The following ZGRF1 variants were observed in gnomAD, a reference collection of about 807,000 sequenced individuals.
ZGRF1 encodes the protein zinc finger GRF-type containing 1, also known as 5'-3' DNA helicase ZGRF1.
A neutral mutation model predicts 203.5 loss-of-function variants in ZGRF1; 196 were observed. That is an observed-to-expected ratio of 0.96 (90% CI 0.86 to 1.08). The LOEUF is 1.08. Ranked by LOEUF, ZGRF1 falls within the 50% of genes least tolerant of loss-of-function variation. ZGRF1 has a pLI of 0.00. For synonymous variants in ZGRF1, 809 were observed against 841.3 expected (o/e 0.96, Z 0.66); for missense variants, 2,326 against 2,416.3 (o/e 0.96, Z 0.78).
intron 10 of ZGRF1, among the ~76,000 whole-genome samples, chr4:112,598,454 A>T (rs1385992930): frequency 6.7e-6 from 1 of 149,844 alleles, no homozygotes; most frequent in East Asian, 2.0e-4. Context: ...TAATAACGAA[A>T]ACATTGAATA....
intron 20 of ZGRF1, among the ~76,000 whole-genome samples, chr4:112,557,178 T>C (rs1318111276): frequency 2.0e-5 from 3 of 151,164 alleles, no homozygotes; most frequent in Admixed American, 6.6e-5. Flanking sequence ...TCTTCTTCTT[T>C]TTTTTTTTTT....
At chr4:112,585,791 T>C in intron 13 of ZGRF1, 66 bp from the exon 14 acceptor site, 1 of 1,202,544 alleles carries the variant, frequency 8.3e-7, no homozygotes. Context: ...ATCACATATG[T>C]GCTGTTTGTA....
chr4:112,562,446 T>A lies in ZGRF1; in HGVS notation c.4622A>T (p.Glu1541Val). The stretch of plus-strand genomic sequence containing the variant: ...CTGAATGTTTTTCAAAGTAGTCAGT[T>A]CTGTGCTAGCATTACAAACCAATAA... ...HALLVCNAST[E>V]LTTLKNIQDY... The change falls in exon 18 of 28, where the codon GAA becomes GTA. Residue 1541 changes from glutamate (E) to valine (V), a missense_variant. Physicochemically the swap from Glu to Val is moderately radical, Grantham distance 121. Transcript: ENST00000505019. 6.2e-7 allele frequency: 1 copy of A among 1,609,740 alleles called. No individual in the cohort carries two copies.
chr4:112,607,619 T>C (rs1750968269), intron 8 of ZGRF1, among the ~76,000 whole-genome samples: 2 of 151,898 alleles, frequency 1.3e-5, no homozygotes, highest in African/African-American at 4.8e-5. Flanking sequence ...CATAAAGAGG[T>C]TGTTTCAGAG....
intron 15 of ZGRF1, among the ~76,000 whole-genome samples, chr4:112,583,544 A>C (rs1354777260): frequency 6.6e-6 from 1 of 152,184 alleles, no homozygotes; most frequent in Non-Finnish European, 1.5e-5. Context: ...GATAGCTCAC[A>C]CCTCTAATTC....
chr4:112,575,428 T>C (rs1578327896), intron 16 of ZGRF1, among the ~76,000 whole-genome samples: 1 of 151,968 alleles, frequency 6.6e-6, no homozygotes, highest in African/African-American at 2.4e-5. Flanking sequence ...GGACAGTGGG[T>C]GCAGGACAGT....
At chr4:112,560,043 CG>C (rs1183402125) in intron 19 of ZGRF1, among the ~76,000 whole-genome samples, 1 of 152,106 alleles carries the variant, frequency 6.6e-6, no homozygotes, top group Non-Finnish European at 1.5e-5. Flanking sequence ...GAAAAATCTA[CG>C]ATCACTCTCA....
chr4:112,615,331 T>A (rs192825574), intron 6 of ZGRF1, among the ~76,000 whole-genome samples: 1 of 151,988 alleles, frequency 6.6e-6, no homozygotes, highest in Non-Finnish European at 1.5e-5. Context: ...GGGTTCAAGC[T>A]ATTTTCCTGC....
intron 8 of ZGRF1, among the ~76,000 whole-genome samples, chr4:112,608,686 T>C (rs1247721486): frequency 6.6e-6 from 1 of 152,186 alleles, no homozygotes; most frequent in Non-Finnish European, 1.5e-5. Flanking sequence ...AACGTGATCA[T>C]TTGTAAGCTA....
rs536014007 is a variant in ZGRF1, at chr4:112,618,637, C to A, written c.1405G>T (p.Glu469Ter). Residue 469 changes from glutamate (E) to a stop codon, truncating the protein, a stop_gained, in exon 6 of 28, where the codon GAA (glutamate) becomes TAA (stop). Transcript: ENST00000505019. LOFTEE classifies it high-confidence loss of function. Reference sequence around the variant, plus strand: ...GACTCTGATTGTTCATACTCCTTTTCCAGTGTTCCACATGTATTTACCTCC... The same window carrying A: ...GACTCTGATTGTTCATACTCCTTTTACAGTGTTCCACATGTATTTACCTCC... Reference protein sequence around the residue: ...AQEVNTCGTLEKEYEQSESSL... With the variant: ...AQEVNTCGTL 2 of 1,613,200 alleles carry A rather than the reference C, an allele frequency of 1.2e-6. No individual in the cohort carries two copies. The highest frequency in any genetic ancestry group is 4.5e-5 in the East Asian group (2 of 44,846).
chr4:112,571,102 CA>C (rs11423362), intron 16 of ZGRF1, among the ~76,000 whole-genome samples: 4,892 of 121,618 alleles, frequency 0.04, 235 homozygotes, highest in African/African-American at 0.13. Context: ...GACTGCATTT[CA>C]AAAAAAAAAA....
At chr4:112,606,112 G>A in intron 8 of ZGRF1, 21 bp from the exon 9 acceptor site, 1 of 1,356,508 alleles carries the variant, frequency 7.4e-7, no homozygotes, top group South Asian at 1.2e-5. Flanking sequence ...ATATGAATAA[G>A]TTATCTAGTT....
chr4:112,611,842 A>C (rs1189105555), intron 7 of ZGRF1, among the ~76,000 whole-genome samples: 2 of 152,228 alleles, frequency 1.3e-5, no homozygotes, highest in African/African-American at 2.4e-5. Context: ...CTGTGATAAA[A>C]AGCAATTATC....
intron 8 of ZGRF1, among the ~76,000 whole-genome samples, chr4:112,608,838 A>G (rs1441622286): frequency 6.6e-6 from 1 of 152,120 alleles, no homozygotes; most frequent in Non-Finnish European, 1.5e-5. Context: ...GATAATTGTC[A>G]ATGACCCATG....
chr4:112,627,650 G>T (rs2047281726), intron 3 of ZGRF1, among the ~76,000 whole-genome samples: 1 of 152,206 alleles, frequency 6.6e-6, no homozygotes, highest in South Asian at 2.1e-4. Flanking sequence ...TGAGGCCCAA[G>T]AATCACTTGT....
rs1372728737 is a variant in ZGRF1, at chr4:112,578,601, T to G, written c.4438+3062A>C. Among the ~76,000 whole-genome samples the G allele has an allele frequency of 2.5e-5, 3 of 122,208 alleles. 1 individual carries two copies. The highest frequency in any genetic ancestry group is 5.7e-5 in the African/African-American group (2 of 35,224). 80.2% of individuals were successfully genotyped at this position (122,208 alleles called of 152,430 possible). On this transcript the variant is annotated intron_variant, in intron 16 of 27. Transcript: ENST00000505019. ...ATGATAAAGGGGATATCACCACCGATCCACAGAAATACAAACTACCATCAA... is the reference window on the plus strand; with the variant it reads ...ATGATAAAGGGGATATCACCACCGAGCCACAGAAATACAAACTACCATCAA...
At chr4:112,609,344 T>C (rs150845213) in intron 8 of ZGRF1, 35 bp downstream of exon 8, 3 of 1,246,510 alleles carry the variant, frequency 2.4e-6, no homozygotes, top group Middle Eastern at 2.2e-4. Context: ...TGAGCCACCA[T>C]GCCCAGGGGC....
chr4:112,631,978 T>G lies in ZGRF1; in HGVS notation c.54A>C (p.Ser18=). 1 of 1,595,132 alleles carries G rather than the reference T, an allele frequency of 6.3e-7. No individual in the cohort carries two copies. The highest frequency in any genetic ancestry group is 8.5e-7 in the Non-Finnish European group (1 of 1,170,588). The part of the protein sequence containing the change: ...VLYTHQKMKK[S]KVWQDGILKI... ...TCAGAATTCCATCTTGCCACACTTTTGACTTCTTCATCTTTTGATGAGTAT... is the reference window on the plus strand; with the variant it reads ...TCAGAATTCCATCTTGCCACACTTTGGACTTCTTCATCTTTTGATGAGTAT... Residue 18 remains serine (S), a synonymous_variant, in exon 3 of 28, where the codon TCA becomes TCC. Coordinates refer to ENST00000505019, the MANE Select transcript of ZGRF1 (RefSeq NM_018392.5).
chr4:112,599,317 AT>A (rs1749552212), intron 10 of ZGRF1, among the ~76,000 whole-genome samples: 1 of 152,178 alleles, frequency 6.6e-6, no homozygotes, highest in African/African-American at 2.4e-5. Flanking sequence ...GCACAATGGA[AT>A]TTCATCCAAA....
Sources: allele counts gnomAD v4.1 joint callset (sites outside exome capture counted in the v4.1 genomes callset), GRCh38; gene constraint gnomAD v4.1.1; transcripts MANE v1.5; gene names NCBI Gene and HGNC (gene_info 2026-07-23, HGNC 2026-07-21).